Variants in IL20RA observed in about 807,000 individuals in gnomAD.
The protein encoded by IL20RA is interleukin-20 receptor subunit alpha.
In IL20RA, 29 loss-of-function variants were observed where a neutral mutation model predicts 36.5. The observed-to-expected ratio is 0.79, with a 90% CI of 0.59 to 1.08. IL20RA has a LOEUF of 1.08. IL20RA is among the 50% of genes least tolerant of loss of function. The pLI is 0.00. For missense variants in IL20RA, 652 were observed against 668.4 expected, an observed-to-expected ratio of 0.98 and a Z score of 0.27; for synonymous variants, 279 against 267.1, an observed-to-expected ratio of 1.04 and a Z score of -0.43.
chr6:137,017,186 G>T, intron 1 of IL20RA, 83 bp from the exon 2 acceptor site: 1 of 1,107,928 alleles, frequency 9.0e-7, no homozygotes, highest in Non-Finnish European at 1.3e-6. Context: ...CTCCAGAGAT[G>T]GCCCCCAATA....
Position 137,044,519 on chromosome 6 carries a change from G to A in IL20RA, c.88+122C>T, listed in dbSNP as rs117135226. Reference sequence around the variant, plus strand: ...CCGGCCTCCGCGCACCTCGTCCTCTGCCCGCCCGAAAGCGAAACCTGGCCG... The same window carrying A: ...CCGGCCTCCGCGCACCTCGTCCTCTACCCGCCCGAAAGCGAAACCTGGCCG... On this transcript the variant is annotated intron_variant, in intron 1 of 6. Coordinates refer to ENST00000316649, the MANE Select transcript of IL20RA (RefSeq NM_014432.4). 0.068 allele frequency: 72,049 copies of A among 1,052,528 alleles called. 2,823 individuals are homozygous for A. Among genetic ancestry groups the A allele is most frequent in the Non-Finnish European group, 0.077 (64,021 of 833,412 alleles). 65.2% of individuals were successfully genotyped at this position (1,052,528 alleles called of 1,614,324 possible).
At chr6:137,016,818 A>G in intron 2 of IL20RA, 150 bp downstream of exon 2, 1 of 745,368 alleles carries the variant, frequency 1.3e-6, no homozygotes, top group Middle Eastern at 3.9e-4. Flanking sequence ...ATTTAATCTT[A>G]CAAAACATCC....
intron 5 of IL20RA, among the ~76,000 whole-genome samples, chr6:137,005,313 T>C (rs1026252460): frequency 6.6e-6 from 1 of 152,196 alleles, no homozygotes; most frequent in Non-Finnish European, 1.5e-5. Flanking sequence ...GGCTGGAGCC[T>C]GGGGATGTGT....
At chr6:137,037,940 T>C (rs1356107254) in intron 1 of IL20RA, 1 of 152,198 alleles carries the variant, frequency 6.6e-6, no homozygotes, top group Non-Finnish European at 1.5e-5. Flanking sequence ...TTTTAATAGT[T>C]GAAATCTGCA....
At position 137,002,037 on chromosome 6, in the gene IL20RA, C is replaced by T; in HGVS notation, c.1183G>A (p.Asp395Asn). ...TATTCATATTCAATGACTGTTTTAT[C>T]CGGGGGTATTGTTCTGCTGAGGGAC... Reference protein sequence around the residue: ...QESLSRTIPPDKTVIEYEYDV... With the variant: ...QESLSRTIPPNKTVIEYEYDV... The change falls in exon 7 of 7, where the codon GAT (aspartate) becomes AAT (asparagine). Residue 395 changes from aspartate to asparagine, a missense_variant. Transcript: ENST00000316649. 6.2e-7 allele frequency: 1 copy of T among 1,614,128 alleles called. No individual in the cohort carries two copies. The highest frequency in any genetic ancestry group is 8.5e-7 in the Non-Finnish European group (1 of 1,180,014).
intron 1 of IL20RA, among the ~76,000 whole-genome samples, chr6:137,026,405 G>A (rs149359701): frequency 1.6e-4 from 25 of 152,298 alleles, no homozygotes; most frequent in South Asian, 4.1e-4. Context: ...AATCTGTGTA[G>A]CTTGAATTCA....
rs1166112130 is a variant in IL20RA, at chr6:137,001,043, T to C, written c.*515A>G. The C allele has an allele frequency of 1.3e-5, 2 of 152,588 alleles. No individual in the cohort carries two copies. Among genetic ancestry groups the C allele is most frequent in the Admixed American group, 6.5e-5 (1 of 15,316 alleles). 9.5% of individuals were successfully genotyped at this position (152,588 alleles called of 1,614,324 possible). ...ATATGAATCATGATGATTAAATAGT[T>C]GAGGTTTTCACATGCGACCAACTTA... is the stretch of plus-strand genomic sequence containing the variant. On this transcript the variant is annotated 3_prime_UTR_variant, in exon 7 of 7. Coordinates refer to ENST00000316649, the MANE Select transcript of IL20RA (RefSeq NM_014432.4).
At chr6:137,017,139 A>T (rs433243) in intron 1 of IL20RA, 36 bp from the exon 2 acceptor site, 2 of 1,598,190 alleles carry the variant, frequency 1.3e-6, no homozygotes, top group Non-Finnish European at 1.7e-6. Context: ...AGGTCTTAGT[A>T]GCAGAAAAGG....
intron 1 of IL20RA, among the ~76,000 whole-genome samples, chr6:137,025,274 G>A (rs1204945214): frequency 6.6e-6 from 1 of 152,166 alleles, no homozygotes; most frequent in African/African-American, 2.4e-5. Context: ...GAGCCCTCAT[G>A]AGTGGGATTA....
intron 2 of IL20RA, among the ~76,000 whole-genome samples, 189 bp downstream of exon 2, chr6:137,016,779 C>T (rs905286503): frequency 4.6e-5 from 7 of 152,140 alleles, no homozygotes; most frequent in South Asian, 4.1e-4. Flanking sequence ...CCCCCAATGC[C>T]TCTGTCTCCA....
intron 2 of IL20RA, 59 bp from the exon 3 acceptor site, chr6:137,011,511 AC>A: frequency 8.6e-7 from 1 of 1,157,018 alleles, no homozygotes; most frequent in South Asian, 2.3e-5. Context: ...CAATAAAAAA[AC>A]TCAGTCATTT....
At position 137,004,159 on chromosome 6, in the gene IL20RA, C is replaced by CGTTTTTTTTTTT. The variant is rs531501235; in HGVS notation, c.864+461_864+462insAAAAAAAAAAAC. 4.0e-4 allele frequency among the ~76,000 whole-genome samples: 35 copies of CGTTTTTTTTTTT among 88,006 alleles called. 16 individuals are homozygous for CGTTTTTTTTTTT. Among genetic ancestry groups the CGTTTTTTTTTTT allele is most frequent in the Non-Finnish European group, 4.1e-4 (20 of 49,108 alleles). The allele number at this position is 88,006 out of a possible 152,430, so 57.7% of individuals were successfully genotyped here. Reference sequence around the variant, plus strand: ...TCTGTTAGTCAGCTAATCCAGAAAGCTTTTTTTTTTTTTTTTTTTTTTTTT... The same window carrying CGTTTTTTTTTTT: ...TCTGTTAGTCAGCTAATCCAGAAAGCGTTTTTTTTTTTTTTTTTTTTTTTTTTTTTTTTTTTT... On this transcript the variant is annotated intron_variant, in intron 6 of 6. Coordinates refer to ENST00000316649, the MANE Select transcript of IL20RA (RefSeq NM_014432.4).
At chr6:137,044,524 C>T in intron 1 of IL20RA, 117 bp downstream of exon 1, 1 of 1,084,978 alleles carries the variant, frequency 9.2e-7, no homozygotes, top group Non-Finnish European at 1.2e-6. Flanking sequence ...CCTCTGCCCG[C>T]CCGAAAGCGA....
intron 2 of IL20RA, among the ~76,000 whole-genome samples, chr6:137,015,315 C>A (rs576220292): frequency 1.3e-5 from 2 of 152,228 alleles, no homozygotes; most frequent in East Asian, 1.9e-4. Flanking sequence ...AAGCTCTGCA[C>A]ACTTCCTTAA....
Position 137,008,588 on chromosome 6 carries a change from T to C in IL20RA, c.724+11A>G, listed in dbSNP as rs766301910. The C allele has an allele frequency of 5.1e-6, 8 of 1,580,576 alleles. No individual in the cohort carries two copies. In the East Asian group the frequency reaches 1.6e-4, roughly 32 times the overall value. On this transcript the variant is annotated intron_variant, in intron 5 of 6. Transcript: ENST00000316649. The stretch of plus-strand genomic sequence containing the variant: ...TCCTTCCTAGACCAGCAAAGATTTT[T>C]TAAAGCTTACCTTTCAAAGTCCTGG...
intron 1 of IL20RA, among the ~76,000 whole-genome samples, chr6:137,026,402 G>A (rs529393622): frequency 1.2e-4 from 19 of 152,336 alleles, no homozygotes; most frequent in African/African-American, 4.3e-4. Context: ...CCAAATCTGT[G>A]TAGCTTGAAT....
chr6:137,014,314 A>AAGTATAAT (rs1775597114), intron 2 of IL20RA, among the ~76,000 whole-genome samples: 1 of 152,238 alleles, frequency 6.6e-6, no homozygotes, highest in South Asian at 2.1e-4. Context: ...CAAAAGAGAA[A>AAGTATAAT]CAAATCATCC....
chr6:137,003,997 G>T (rs758765617), intron 6 of IL20RA, among the ~76,000 whole-genome samples: 32 of 152,064 alleles, frequency 2.1e-4, no homozygotes, highest in Non-Finnish European at 8.8e-5. Context: ...GCCTTCATGT[G>T]TTATTTTGAA....
intron 2 of IL20RA, among the ~76,000 whole-genome samples, chr6:137,016,158 G>A (rs1254696274): frequency 6.6e-6 from 1 of 152,112 alleles, no homozygotes; most frequent in Non-Finnish European, 1.5e-5. Context: ...TTCTCCCTGG[G>A]CTGTGACAGG....
Sources: allele counts gnomAD v4.1 joint callset (sites outside exome capture counted in the v4.1 genomes callset), GRCh38; gene constraint gnomAD v4.1.1; transcripts MANE v1.5; gene names NCBI Gene and HGNC (gene_info 2026-07-23, HGNC 2026-07-21).